Variants in KANSL1L observed in about 807,000 individuals in gnomAD.
KANSL1L encodes KAT8 regulatory NSL complex subunit 1-like protein.
Under a neutral mutation model 108.6 loss-of-function variants are expected in KANSL1L, and 25 were observed. That is an observed-to-expected ratio of 0.23 (90% CI 0.17 to 0.32). KANSL1L has a LOEUF of 0.32. KANSL1L is among the 10% of genes least tolerant of loss of function. KANSL1L has a pLI of 1.00. For missense variants in KANSL1L, 1,137 were observed against 1,125.7 expected (o/e 1.01, Z -0.14); for synonymous variants, 405 against 395.1 (o/e 1.03, Z -0.30).
rs190576590 is a variant in KANSL1L at position 210,031,240 on chromosome 2, C to G, written c.2155+181G>C. 15 of 508,672 alleles carry G rather than the reference C, an allele frequency of 2.9e-5. No individual in the cohort carries two copies. In the East Asian group the frequency reaches 4.4e-4, roughly 15 times the overall value. The allele number at this position is 508,672 out of a possible 1,614,324, so 31.5% of individuals were successfully genotyped here. A position where few individuals can be genotyped will look rare whatever the true frequency, so the allele number is the denominator to read the frequency against. On this transcript the variant is annotated intron_variant, in intron 9 of 14. Transcript: ENST00000281772. ...TTAATTGCCATAAAGTGGGTAGATA[C>G]CAGTCCACAAATAATTCTAAATTAA... is the stretch of plus-strand genomic sequence containing the variant.
intron 3 of KANSL1L, among the ~76,000 whole-genome samples, 155 bp from the exon 4 acceptor site, chr2:210,104,456 T>C (rs1292535662): frequency 1.3e-5 from 2 of 152,206 alleles, no homozygotes; most frequent in Admixed American, 1.3e-4. Context: ...ACTGGCTGGT[T>C]TAAAACACAT....
chr2:210,026,693 T>A (rs2093941569), intron 12 of KANSL1L, among the ~76,000 whole-genome samples: 1 of 152,190 alleles, frequency 6.6e-6, no homozygotes, highest in African/African-American at 2.4e-5. Flanking sequence ...AAAAATATAA[T>A]TAATACTGAC....
intron 8 of KANSL1L, among the ~76,000 whole-genome samples, chr2:210,038,225 G>A (rs2094128675): frequency 6.6e-6 from 1 of 151,964 alleles, no homozygotes; most frequent in South Asian, 2.1e-4. Context: ...GATTAGACTA[G>A]ATTCTTGGAA....
At chr2:210,035,928 C>A (rs1423178322) in intron 8 of KANSL1L, among the ~76,000 whole-genome samples, 1 of 152,194 alleles carries the variant, frequency 6.6e-6, no homozygotes, top group African/African-American at 2.4e-5. Context: ...AATTTCAGGT[C>A]CCATTCCAGA....
At chr2:210,116,021 A>G (rs982743334) in intron 3 of KANSL1L, among the ~76,000 whole-genome samples, 1 of 152,190 alleles carries the variant, frequency 6.6e-6, no homozygotes, top group Non-Finnish European at 1.5e-5. Flanking sequence ...AGCACCAAGC[A>G]TTTCTGGACC....
At chr2:210,047,688 T>C (rs2094240143) in intron 6 of KANSL1L, among the ~76,000 whole-genome samples, 1 of 152,210 alleles carries the variant, frequency 6.6e-6, no homozygotes, top group Non-Finnish European at 1.5e-5. Context: ...ATCACTTGAG[T>C]ATCTGTCTCT....
At chr2:210,155,462 T>C (rs1462718227) in intron 1 of KANSL1L, among the ~76,000 whole-genome samples, 1 of 152,000 alleles carries the variant, frequency 6.6e-6, no homozygotes, top group Non-Finnish European at 1.5e-5. Flanking sequence ...ACATATAACT[T>C]CACAGCTGTT....
Position 210,075,968 on chromosome 2 carries a change from T to C in KANSL1L, c.1551-212A>G, listed in dbSNP as rs567988982. 7.2e-5 allele frequency among the ~76,000 whole-genome samples: 11 copies of C among 152,340 alleles called. No individual in the cohort carries two copies. The South Asian group carries it at 2.3e-3, about 32-fold the overall frequency. On this transcript the variant is annotated intron_variant, in intron 5 of 14. Transcript: ENST00000281772. Reference sequence around the variant, plus strand: ...TGTGAAAACCATCTTTACATCTATTTTCTCCTGCAAAACAAATATACCATA... The same window carrying C: ...TGTGAAAACCATCTTTACATCTATTCTCTCCTGCAAAACAAATATACCATA...
chr2:210,146,322 G>C (rs1340821871), intron 2 of KANSL1L, among the ~76,000 whole-genome samples: 2 of 152,294 alleles, frequency 1.3e-5, no homozygotes, highest in African/African-American at 4.8e-5. Context: ...AAGATATCTA[G>C]TTCTTGTTTT....
chr2:210,158,318 T>A (rs1013430965), intron 1 of KANSL1L, among the ~76,000 whole-genome samples: 3 of 151,990 alleles, frequency 2.0e-5, no homozygotes, highest in Non-Finnish European at 4.4e-5. Context: ...AGAAATGATG[T>A]CTCCAACCAA....
intron 12 of KANSL1L, 107 bp from the exon 13 acceptor site, chr2:210,025,323 G>A (rs1297308701): frequency 2.6e-5 from 16 of 614,786 alleles, no homozygotes; most frequent in East Asian, 1.6e-4. Context: ...TTGGAAGGCC[G>A]AGGTGGGTGG....
At chr2:210,146,481 G>T (rs568395000) in intron 2 of KANSL1L, among the ~76,000 whole-genome samples, 102 of 152,226 alleles carry the variant, frequency 6.7e-4, no homozygotes, top group Non-Finnish European at 1.1e-3. Context: ...TCTGCAAAAG[G>T]GCTTTACTAT....
chr2:210,151,849 C>T (rs1249133793), intron 2 of KANSL1L: 4 of 152,138 alleles, frequency 2.6e-5, no homozygotes, highest in South Asian at 2.1e-4. Context: ...GACCCGAATG[C>T]TTACTTTGCT....
chr2:210,051,297 T>C (rs1031734636), intron 6 of KANSL1L, among the ~76,000 whole-genome samples: 2 of 152,162 alleles, frequency 1.3e-5, no homozygotes, highest in Non-Finnish European at 2.9e-5. Flanking sequence ...GTTTCCAAAA[T>C]AGACAGCTGG....
intron 3 of KANSL1L, among the ~76,000 whole-genome samples, chr2:210,118,935 C>T (rs571498639): frequency 8.6e-5 from 13 of 151,688 alleles, no homozygotes; most frequent in African/African-American, 2.7e-4. Flanking sequence ...TTAGGGAGGA[C>T]GAGGCAGGCA....
intron 5 of KANSL1L, chr2:210,096,743 G>A (rs992371277): frequency 1.9e-5 from 18 of 956,610 alleles, no homozygotes; most frequent in Admixed American, 6.2e-5. Context: ...GAATCTTTAC[G>A]TTCAACATGT....
intron 2 of KANSL1L, among the ~76,000 whole-genome samples, chr2:210,143,874 ACAC>A (rs1467236534): frequency 6.6e-6 from 1 of 152,222 alleles, no homozygotes; most frequent in Non-Finnish European, 1.5e-5. Context: ...AGTGATTTAT[ACAC>A]CACCATTATT....
chr2:210,095,183 G>A (rs189946877), intron 5 of KANSL1L, among the ~76,000 whole-genome samples: 35 of 152,154 alleles, frequency 2.3e-4, no homozygotes, highest in Admixed American at 2.0e-3. Flanking sequence ...TTTCTCACCT[G>A]TAGCTCCTTC....
intron 3 of KANSL1L, 99 bp from the exon 4 acceptor site, chr2:210,104,400 C>A (rs908629505): frequency 2.5e-6 from 2 of 804,392 alleles, no homozygotes; most frequent in Middle Eastern, 3.7e-4. Context: ...CCACTTATCT[C>A]TTGGAATTCA....
Sources: gnomAD v4.1 joint callset for allele counts (sites outside exome capture counted in the v4.1 genomes callset) on GRCh38, gnomAD v4.1.1 for gene constraint, MANE v1.5 for transcripts, NCBI Gene and HGNC (gene_info 2026-07-23, HGNC 2026-07-21) for gene names.